PCDHA3: variants seen among roughly 807,000 people sequenced by gnomAD.
PCDHA3 encodes the protein protocadherin alpha-3.
PCDHA3 carries 41 observed loss-of-function variants against 62.2 expected under a neutral mutation model. The ratio of observed to expected loss-of-function variants is 0.66; its 90% confidence interval spans 0.51 to 0.86. The LOEUF (loss-of-function observed/expected upper bound fraction) is 0.86, where lower values mean the gene tolerates loss of function less well. PCDHA3 is among the 40% of genes least tolerant of loss of function. PCDHA3 has a pLI of 0.00. For synonymous variants in PCDHA3, 640 were observed against 555.4 expected (o/e 1.15, Z -2.14); for missense variants, 1,304 against 1,241.2 (o/e 1.05, Z -0.76).
At chr5:140,946,867 G>A (rs1194586546) in intron 1 of PCDHA3, among the ~76,000 whole-genome samples, 1 of 151,282 alleles carries the variant, frequency 6.6e-6, no homozygotes, top group Non-Finnish European at 1.5e-5. Context: ...GGAGAGGTTG[G>A]TCAATGGGTA....
At chr5:140,808,553 G>A (rs1764200518) in intron 1 of PCDHA3, 1 of 1,614,088 alleles carries the variant, frequency 6.2e-7, no homozygotes, top group Non-Finnish European at 8.5e-7. Flanking sequence ...TCCGGCGTTC[G>A]CGCAGCCCGA....
At chr5:140,873,260 G>A (rs1252265709) in intron 1 of PCDHA3, among the ~76,000 whole-genome samples, 2 of 152,146 alleles carry the variant, frequency 1.3e-5, no homozygotes, top group Non-Finnish European at 2.9e-5. Context: ...AGACTCAAAA[G>A]TGATTAAACC....
intron 1 of PCDHA3, among the ~76,000 whole-genome samples, chr5:140,963,103 G>A (rs2095737477): frequency 1.3e-5 from 2 of 151,910 alleles, no homozygotes; most frequent in South Asian, 4.1e-4. Flanking sequence ...CTGCTTTCAG[G>A]TTGCTTATAA....
intron 3 of PCDHA3, among the ~76,000 whole-genome samples, chr5:140,983,718 T>C (rs2097062684): frequency 6.6e-6 from 1 of 152,248 alleles, no homozygotes; most frequent in South Asian, 2.1e-4. Context: ...CTAGCACTTA[T>C]ATTCATAACA....
Position 140,844,237 on chromosome 5 carries a change from T to C in PCDHA3, c.2394+40646T>C, listed in dbSNP as rs1453017413. Among the ~76,000 whole-genome samples the C allele has an allele frequency of 2.7e-5, 4 of 149,830 alleles. 1 individual carries two copies. The highest frequency in any genetic ancestry group is 4.2e-4 in the South Asian group (2 of 4,726). On this transcript the variant is annotated intron_variant, in intron 1 of 3. Coordinates refer to ENST00000522353, the MANE Select transcript of PCDHA3 (RefSeq NM_018906.3). ...CACAAATATCTTTGGTGTTTCACTA[T>C]TGCCGTTTTAAGCAGTGTAGTGATA...
chr5:140,909,493 G>A (rs989826667), intron 1 of PCDHA3, among the ~76,000 whole-genome samples: 2 of 152,184 alleles, frequency 1.3e-5, no homozygotes, highest in African/African-American at 4.8e-5. Context: ...AGAGCTGAAC[G>A]GGGATGTGGT....
rs2150127652 is a variant in PCDHA3, at chr5:140,823,634, C to T, written c.2394+20043C>T. 143 of 1,613,942 alleles carry T rather than the reference C, an allele frequency of 8.9e-5. 1 individual carries two copies. Among genetic ancestry groups the T allele is most frequent in the Middle Eastern group, 1.6e-4 (1 of 6,080 alleles). On this transcript the variant is annotated intron_variant, in intron 1 of 3. Transcript: ENST00000522353. ...CCAGCGCCTGGCAGTGCGCGCATCC[C>T]GTTCCGCGTGGGGCTGTACACAGGC...
At chr5:140,993,376 G>A (rs577656854) in intron 3 of PCDHA3, among the ~76,000 whole-genome samples, 6 of 151,752 alleles carry the variant, frequency 4.0e-5, no homozygotes, top group Non-Finnish European at 7.4e-5. Context: ...CCTCCCAGCC[G>A]GGTCCCTGAA....
chr5:140,889,409 A>C (rs1448554315), intron 1 of PCDHA3, among the ~76,000 whole-genome samples: 5 of 152,024 alleles, frequency 3.3e-5, no homozygotes, highest in African/African-American at 1.2e-4. Context: ...TACTCGAGTC[A>C]GTTACGTAGA....
At chr5:140,856,902 C>A in intron 1 of PCDHA3, 1 of 1,596,268 alleles carries the variant, frequency 6.3e-7, no homozygotes, top group Non-Finnish European at 8.6e-7. Flanking sequence ...TCTTTGGTCC[C>A]ACCCACGATA....
At chr5:140,859,880 T>C (rs922706728) in intron 1 of PCDHA3, 1 of 152,036 alleles carries the variant, frequency 6.6e-6, no homozygotes, top group Non-Finnish European at 1.5e-5. Context: ...CCCTCTGATA[T>C]TTTGAAAAAA....
intron 1 of PCDHA3, chr5:140,836,608 C>G (rs2150265408): frequency 1.9e-6 from 3 of 1,613,518 alleles, no homozygotes; most frequent in Admixed American, 3.3e-5. Flanking sequence ...CTGGTGTGCT[C>G]CAGCGCGGTG....
rs570631397 is a variant in PCDHA3, at chr5:140,879,658, A to G, written c.2394+76067A>G. Among the ~76,000 whole-genome samples the G allele has an allele frequency of 1.1e-4, 16 of 152,350 alleles. No homozygotes were observed. The South Asian group carries it at 3.1e-3, about 30-fold the overall frequency. ...TCGCTTCCTGTGGCTGCTATAACAA[A>G]CGAACACAAACTGGGTGCTGTAAAA... On this transcript the variant is annotated intron_variant, in intron 1 of 3. Transcript: ENST00000522353.
At chr5:140,809,036 GGC>G (rs1764341860) in intron 1 of PCDHA3, 1 of 1,613,732 alleles carries the variant, frequency 6.2e-7, no homozygotes, top group Non-Finnish European at 8.5e-7. Flanking sequence ...GGGGACTGGT[GGC>G]GCGCGCATCC....
chr5:140,806,980 G>A (rs929545249), intron 1 of PCDHA3: 11 of 635,012 alleles, frequency 1.7e-5, no homozygotes, highest in Middle Eastern at 2.5e-4. Context: ...CTTACGGTTT[G>A]GAGCCACATG....
At chr5:140,809,287 G>T in intron 1 of PCDHA3, 1 of 1,614,112 alleles carries the variant, frequency 6.2e-7, no homozygotes, top group South Asian at 1.1e-5. Context: ...ACGTATACCT[G>T]ATCATTGCCA....
intron 1 of PCDHA3, chr5:140,809,220 C>T: frequency 6.2e-7 from 1 of 1,614,068 alleles, no homozygotes; most frequent in Non-Finnish European, 8.5e-7. Flanking sequence ...GCGCCAAAGG[C>T]CTCCTCACGG....
chr5:140,879,720 G>C (rs1275273892), intron 1 of PCDHA3, among the ~76,000 whole-genome samples: 1 of 152,212 alleles, frequency 6.6e-6, no homozygotes, highest in Non-Finnish European at 1.5e-5. Flanking sequence ...TTGGAGACCA[G>C]AAGTCCAAAA....
chr5:140,834,313 A>C, intron 1 of PCDHA3: 1 of 1,362,812 alleles, frequency 7.3e-7, no homozygotes. Context: ...GATTGAAATG[A>C]AGGGATAAAA....
Sources: allele counts gnomAD v4.1 joint callset (sites outside exome capture counted in the v4.1 genomes callset), GRCh38; gene constraint gnomAD v4.1.1; transcripts MANE v1.5; gene names NCBI Gene and HGNC (gene_info 2026-07-23, HGNC 2026-07-21).